Variants in PDCD6 observed in about 807,000 individuals in gnomAD.
PDCD6 encodes the protein programmed cell death protein 6.
In PDCD6, 12 loss-of-function variants were observed where a neutral mutation model predicts 28.3. The ratio of observed to expected loss-of-function variants is 0.42; its 90% CI spans 0.27 to 0.69. The LOEUF is 0.69. Ranked by LOEUF, PDCD6 falls within the 30% of genes least tolerant of loss-of-function variation. The pLI, the probability that PDCD6 is intolerant of heterozygous loss-of-function variation, is 0.22. For synonymous variants in PDCD6, 92 were observed against 108.0 expected (o/e 0.85, Z 0.92); for missense variants, 226 against 269.9 (o/e 0.84, Z 1.14).
chr5:276,608 A>G (rs1738216198), intron 2 of PDCD6: 8 of 981,426 alleles, frequency 8.2e-6, no homozygotes, highest in South Asian at 9.4e-5. Context: ...TTTGATTTCT[A>G]TAATAATTGT....
At chr5:301,973 C>CTGTGTGTG (rs1740086603) in intron 2 of PDCD6, among the ~76,000 whole-genome samples, 1 of 148,490 alleles carries the variant, frequency 6.7e-6, no homozygotes, top group Non-Finnish European at 1.5e-5. Flanking sequence ...TCGAGTGCTG[C>CTGTGTGTG]TGTGTGTGTA....
At chr5:290,011 C>T (rs1397003256) in intron 2 of PDCD6, 2 of 1,600,168 alleles carry the variant, frequency 1.2e-6, no homozygotes, top group Non-Finnish European at 1.7e-6. Context: ...TAACAATTCA[C>T]ATAGTCGCTG....
At chr5:273,097 T>C (rs541170878) in intron 2 of PDCD6, 123 of 287,042 alleles carry the variant, frequency 4.3e-4, no homozygotes, top group African/African-American at 2.7e-3. Context: ...AAGTTGGAGG[T>C]CCTTGAATTT....
chr5:277,865 A>C (rs536877295), intron 2 of PDCD6, among the ~76,000 whole-genome samples: 6 of 149,302 alleles, frequency 4.0e-5, no homozygotes, highest in South Asian at 2.1e-4. Context: ...CAGTGAGCTG[A>C]GATAGCGCCA....
intron 2 of PDCD6, chr5:276,105 T>G: frequency 9.8e-7 from 1 of 1,021,818 alleles, no homozygotes; most frequent in Non-Finnish European, 1.3e-6. Context: ...GGTGCACGCC[T>G]GTATTCCCAG....
chr5:272,906 T>C, intron 2 of PDCD6, 134 bp downstream of exon 2: 2 of 1,383,552 alleles, frequency 1.4e-6, no homozygotes, highest in Admixed American at 4.2e-5. Context: ...TACTGCTTCG[T>C]AGTGGAGATG....
intron 4 of PDCD6, chr5:311,010 T>G: frequency 2.7e-6 from 1 of 370,124 alleles, no homozygotes; most frequent in South Asian, 2.9e-5. Context: ...GGTGAGTAGT[T>G]AATTCACAGG....
In PDCD6 at chr5:277,965, T is replaced by C. The variant is rs534796318; in HGVS notation, c.163+5193T>C. On this transcript the variant is annotated intron_variant, in intron 2 of 5. Coordinates refer to ENST00000264933, the MANE Select transcript of PDCD6 (RefSeq NM_013232.4). ...AACCCTTGTTTAGGTGTTAACAAAA[T>C]CCAGGCCAGACAAATCTAAACTTTA... 2.7e-5 allele frequency among the ~76,000 whole-genome samples: 4 copies of C among 146,802 alleles called. No homozygotes were observed. In the South Asian group the frequency reaches 6.5e-4, roughly 24 times the overall value.
chr5:303,246 G>C (rs571333843), intron 2 of PDCD6, among the ~76,000 whole-genome samples: 2 of 150,962 alleles, frequency 1.3e-5, no homozygotes, highest in African/African-American at 2.4e-5. Context: ...TGTTCTCTGA[G>C]ATCAGGGGGC....
chr5:296,096 A>G (rs1205182914), intron 2 of PDCD6, among the ~76,000 whole-genome samples: 1 of 152,156 alleles, frequency 6.6e-6, no homozygotes, highest in Non-Finnish European at 1.5e-5. Context: ...TCAGTTTCCT[A>G]AGAAAGGAAC....
At chr5:278,938 C>G (rs1738387703) in intron 2 of PDCD6, among the ~76,000 whole-genome samples, 1 of 151,828 alleles carries the variant, frequency 6.6e-6, no homozygotes, top group Admixed American at 6.5e-5. Flanking sequence ...TTCTCTGCCC[C>G]TCTCCTGTCT....
rs1427863906 is a variant in PDCD6, at chr5:305,919, A to G, written c.209-683A>G. On this transcript the variant is annotated intron_variant, in intron 3 of 5. Coordinates refer to ENST00000264933, the MANE Select transcript of PDCD6 (RefSeq NM_013232.4). This position sits in a 1 kb window ranked among gnomAD's most constrained non-coding sequence, Gnocchi z 4.0. ...AGGAGTAGTCTTATTGCAGTCCTGTATTAACCTCTGTTCTTGAAAAGAGAC... is the reference window on the plus strand; with the variant it reads ...AGGAGTAGTCTTATTGCAGTCCTGTGTTAACCTCTGTTCTTGAAAAGAGAC... The G allele has an allele frequency of 2.0e-5, 3 of 153,082 alleles. No homozygotes were observed. Among genetic ancestry groups the G allele is most frequent in the Non-Finnish European group, 2.9e-5 (2 of 68,668 alleles). The allele number at this position is 153,082 out of a possible 1,614,324, so 9.5% of individuals were successfully genotyped here. A position where few individuals can be genotyped will look rare whatever the true frequency, so the allele number is the denominator to read the frequency against.
At chr5:281,514 C>A (rs1388993018) in intron 2 of PDCD6, among the ~76,000 whole-genome samples, 1 of 152,042 alleles carries the variant, frequency 6.6e-6, no homozygotes, top group Non-Finnish European at 1.5e-5. Flanking sequence ...AGCTGGAGAT[C>A]CAGGTGGGAG....
Position 276,436 on chromosome 5 carries a change from A to G in PDCD6, c.163+3664A>G, listed in dbSNP as rs1738206137. On this transcript the variant is annotated intron_variant, in intron 2 of 5. Transcript: ENST00000264933. ...AAAATTTGTCCTTGGATAAACACAT[A>G]TCCTCTTCCTTCTTCTCTCTGAATT... 26 of 988,056 alleles carry G rather than the reference A, an allele frequency of 2.6e-5. No individual in the cohort carries two copies. In the South Asian group the frequency reaches 1.1e-3, roughly 42 times the overall value. 61.2% of individuals were successfully genotyped at this position (988,056 alleles called of 1,614,324 possible).
intron 2 of PDCD6, among the ~76,000 whole-genome samples, chr5:302,438 A>C (rs1243088795): frequency 1.9e-5 from 2 of 104,672 alleles, no homozygotes; most frequent in African/African-American, 1.2e-4. Flanking sequence ...CTTTGTGGGG[A>C]GAGCACAGCT....
chr5:296,837 C>G (rs904626745), intron 2 of PDCD6, among the ~76,000 whole-genome samples: 9 of 151,696 alleles, frequency 5.9e-5, no homozygotes, highest in Non-Finnish European at 8.8e-5. Context: ...CAGTCTTCTA[C>G]TAAATGTACA....
chr5:272,771 C>G lies in PDCD6; in HGVS notation c.162C>G (p.Asn54Lys), dbSNP rs199941631. Residue 54 changes from asparagine (N) to lysine (K), a missense_variant and splice_region_variant, in exon 2 of 6, where the codon AAC (asparagine) becomes AAG (lysine). By Grantham distance (94) the Asn-to-Lys change is moderately conservative. Around this residue, in one of 3 missense-constraint regions of PDCD6, gnomAD observed 72 missense variants for 71.4 expected, o/e 1.01. Coordinates refer to ENST00000264933, the MANE Select transcript of PDCD6 (RefSeq NM_013232.4). The stretch of plus-strand genomic sequence containing the variant: ...CCGAGCTTCAGCAAGCTCTCTCCAA[C>G]GGTGAGTGGGCCAGTGGGAACTGGG... ...SDTELQQALS[N>K]GTWTPFNPVT... The G allele has an allele frequency of 1.5e-4, 236 of 1,584,110 alleles. 5 individuals are homozygous for G. The highest frequency in any genetic ancestry group is 1.9e-4 in the Non-Finnish European group (221 of 1,171,690).
chr5:300,469 G>A (rs1739983206), intron 2 of PDCD6, among the ~76,000 whole-genome samples: 2 of 152,326 alleles, frequency 1.3e-5, no homozygotes, highest in South Asian at 4.1e-4. Context: ...TGGTCTCAGG[G>A]ACCCCCATGC....
At chr5:302,935 G>A (rs570193896) in intron 2 of PDCD6, among the ~76,000 whole-genome samples, 19 of 152,356 alleles carry the variant, frequency 1.2e-4, no homozygotes, top group African/African-American at 4.6e-4. Flanking sequence ...GAAGAGCACA[G>A]CTTCCCTGCA....
Sources: allele counts gnomAD v4.1 joint callset (sites outside exome capture counted in the v4.1 genomes callset), GRCh38; gene constraint gnomAD v4.1.1; regional missense constraint gnomAD v4.1.1; non-coding constraint Gnocchi (gnomAD v3.1); transcripts MANE v1.5; gene names NCBI Gene and HGNC (gene_info 2026-07-23, HGNC 2026-07-21).